RBFOX1: variants seen among roughly 807,000 people sequenced by gnomAD.
RBFOX1 encodes the protein RNA binding fox-1 homolog 1, also known as RNA binding protein fox-1 homolog 1.
A neutral mutation model predicts 57.7 loss-of-function variants in RBFOX1; 8 were observed. The observed-to-expected ratio is 0.14, with a 90% CI of 0.08 to 0.25. RBFOX1 has a LOEUF of 0.25. Ranked by LOEUF, RBFOX1 falls within the 10% of genes least tolerant of loss-of-function variation. The pLI, the probability that RBFOX1 is intolerant of heterozygous loss-of-function variation, is 1.00. For missense variants in RBFOX1, 611 were observed against 548.5 expected (o/e 1.11, Z -1.14); for synonymous variants, 326 against 222.4 (o/e 1.47, Z -4.15).
Position 7,453,249 on chromosome 16 carries a change from A to G in RBFOX1, c.28-64898A>G, listed in dbSNP as rs1457115293. 5.9e-5 allele frequency among the ~76,000 whole-genome samples: 9 copies of G among 151,916 alleles called. No homozygotes were observed. In the East Asian group the frequency reaches 1.8e-3, roughly 30 times the overall value. The stretch of plus-strand genomic sequence containing the variant: ...CGAAGGGGTAGGAGGTTAAACAGAG[A>G]GGTATGAGAGTAGCATTCCAGGCTG... On this transcript the variant is annotated intron_variant, in intron 4 of 15. Transcript: ENST00000550418.
At chr16:5,320,129 C>T (rs1286979955) in intron 1 of RBFOX1, among the ~76,000 whole-genome samples, 1 of 152,104 alleles carries the variant, frequency 6.6e-6, no homozygotes, top group Non-Finnish European at 1.5e-5. Context: ...ATAGGTGTGC[C>T]ATAGGTATGA....
chr16:7,227,291 C>CT (rs1555602489), intron 4 of RBFOX1, among the ~76,000 whole-genome samples: 1 of 52,770 alleles, frequency 1.9e-5, no homozygotes, highest in Non-Finnish European at 6.8e-5. Context: ...CCCCACCCCA[C>CT]CCCCACACAC....
chr16:5,569,792 T>C (rs1461427090), intron 2 of RBFOX1, among the ~76,000 whole-genome samples: 1 of 152,128 alleles, frequency 6.6e-6, no homozygotes, highest in Admixed American at 6.5e-5. Flanking sequence ...CGTGGGAATA[T>C]GACATAAGGG....
chr16:5,414,774 C>G (rs1272524059), intron 1 of RBFOX1, among the ~76,000 whole-genome samples: 1 of 152,168 alleles, frequency 6.6e-6, no homozygotes, highest in Non-Finnish European at 1.5e-5. Flanking sequence ...GTGAAATTGA[C>G]AACTGGCTGG....
At chr16:7,036,413 A>G (rs1597642131) in intron 3 of RBFOX1, among the ~76,000 whole-genome samples, 1 of 152,198 alleles carries the variant, frequency 6.6e-6, no homozygotes, top group Non-Finnish European at 1.5e-5. Context: ...ATCTCCCTCA[A>G]GAAAGAATTC....
At chr16:5,796,075 G>T (rs1409103280) in intron 3 of RBFOX1, among the ~76,000 whole-genome samples, 1 of 152,186 alleles carries the variant, frequency 6.6e-6, no homozygotes. Context: ...TAGATTGGGG[G>T]AAGGGAGGAC....
intron 10 of RBFOX1, among the ~76,000 whole-genome samples, chr16:7,617,055 G>C (rs938773874): frequency 6.6e-6 from 1 of 151,936 alleles, no homozygotes; most frequent in African/African-American, 2.4e-5. Context: ...TAGTGAGGAT[G>C]ATGATGGCAT....
chr16:5,841,271 C>G (rs991327096), intron 3 of RBFOX1, among the ~76,000 whole-genome samples: 1 of 152,162 alleles, frequency 6.6e-6, no homozygotes, highest in Non-Finnish European at 1.5e-5. Flanking sequence ...GATTCAGTAG[C>G]TGAGGAGCAG....
chr16:7,259,312 C>G (rs1267630640), intron 4 of RBFOX1, among the ~76,000 whole-genome samples: 1 of 152,160 alleles, frequency 6.6e-6, no homozygotes, highest in African/African-American at 2.4e-5. Context: ...AACACCTTCC[C>G]CTCTCAGGCA....
chr16:7,502,222 C>T (rs573883608), intron 4 of RBFOX1, among the ~76,000 whole-genome samples: 10 of 152,060 alleles, frequency 6.6e-5, no homozygotes, highest in Non-Finnish European at 1.0e-4. Flanking sequence ...ACAAGTGAGG[C>T]GAATGCAAGC....
chr16:5,936,085 T>C (rs886818974), intron 4 of RBFOX1, among the ~76,000 whole-genome samples: 1 of 152,112 alleles, frequency 6.6e-6, no homozygotes, highest in Non-Finnish European at 1.5e-5. Context: ...TATATGATGG[T>C]AGCATCTGGC....
At chr16:6,710,509 C>G (rs722255) in intron 3 of RBFOX1, among the ~76,000 whole-genome samples, 39,005 of 152,160 alleles carry the variant, frequency 0.26, 6,003 homozygotes, top group East Asian at 0.64. Context: ...AGCCACATTC[C>G]AAGTACTCAG....
chr16:5,317,445 T>A (rs2064273417), intron 1 of RBFOX1, among the ~76,000 whole-genome samples: 1 of 152,118 alleles, frequency 6.6e-6, no homozygotes, highest in Non-Finnish European at 1.5e-5. Context: ...CTGTCTCTAC[T>A]AAAAATACAA....
chr16:5,824,142 A>C (rs964982178), intron 3 of RBFOX1, among the ~76,000 whole-genome samples: 1 of 152,204 alleles, frequency 6.6e-6, no homozygotes, highest in Non-Finnish European at 1.5e-5. Flanking sequence ...GCTCTTATCC[A>C]CTTTGAGGAC....
chr16:7,288,114 G>C (rs2095686712), intron 4 of RBFOX1, among the ~76,000 whole-genome samples: 1 of 152,066 alleles, frequency 6.6e-6, no homozygotes, highest in Admixed American at 6.6e-5. Context: ...CTTCACCCTG[G>C]TTTCCATATA....
chr16:6,128,445 G>T (rs976131885), intron 1 of RBFOX1, among the ~76,000 whole-genome samples: 1 of 152,200 alleles, frequency 6.6e-6, no homozygotes, highest in Non-Finnish European at 1.5e-5. Context: ...TCAAAAGGCA[G>T]CTCTGTGATC....
At chr16:6,752,241 T>C (rs1161550337) in intron 3 of RBFOX1, among the ~76,000 whole-genome samples, 1 of 152,180 alleles carries the variant, frequency 6.6e-6, no homozygotes, top group Non-Finnish European at 1.5e-5. Context: ...GTATTAAAAA[T>C]ATTGATTTGT....
At chr16:5,247,443 G>A (rs2062330643) in intron 1 of RBFOX1, among the ~76,000 whole-genome samples, 1 of 152,190 alleles carries the variant, frequency 6.6e-6, no homozygotes, top group Non-Finnish European at 1.5e-5. Context: ...TCTGTGCACT[G>A]GGGGCTGCTT....
chr16:6,253,300 C>G (rs8050261), intron 1 of RBFOX1, among the ~76,000 whole-genome samples: 85,421 of 152,024 alleles, frequency 0.56, 27,509 homozygotes, highest in East Asian at 0.81. Flanking sequence ...ATCATTTTAG[C>G]TCTCTGCAAA....
Sources: gnomAD v4.1 joint callset for allele counts (sites outside exome capture counted in the v4.1 genomes callset) on GRCh38, gnomAD v4.1.1 for gene constraint, MANE v1.5 for transcripts, NCBI Gene and HGNC (gene_info 2026-07-23, HGNC 2026-07-21) for gene names.